Variants in EXOC4 observed in about 807,000 individuals in gnomAD.
The protein encoded by EXOC4 is SEC8-like 1.
EXOC4 carries 71 observed loss-of-function variants against 107.2 expected under a neutral mutation model. The ratio of observed to expected loss-of-function variants is 0.66; its 90% CI spans 0.55 to 0.81. EXOC4 has a LOEUF of 0.81. Among genes scored for constraint, EXOC4 ranks in the 30% least tolerant of loss-of-function variants. The probability of loss-of-function intolerance (pLI) is 0.00; values close to 1 mark genes in which losing one functional copy is unlikely to be tolerated. For synonymous variants in EXOC4, 456 were observed against 441.2 expected (o/e 1.03, Z -0.42); for missense variants, 1,108 against 1,189.6 (o/e 0.93, Z 1.01).
intron 7 of EXOC4, among the ~76,000 whole-genome samples, chr7:133,424,877 A>T (rs1482908159): frequency 2.6e-5 from 4 of 152,212 alleles, no homozygotes; most frequent in African/African-American, 9.6e-5. Context: ...GTAAATGACT[A>T]CCAAAATTCT....
chr7:133,526,857 A>G (rs967836947), intron 9 of EXOC4, among the ~76,000 whole-genome samples: 4 of 152,214 alleles, frequency 2.6e-5, no homozygotes, highest in African/African-American at 9.6e-5. Flanking sequence ...CTGTAGTCCC[A>G]GCTACTCGGG....
chr7:133,260,476 G>A (rs1795123187), intron 1 of EXOC4, among the ~76,000 whole-genome samples: 4 of 152,150 alleles, frequency 2.6e-5, no homozygotes, highest in South Asian at 2.1e-4. Flanking sequence ...ATTTCACCAT[G>A]TTGGTCAGGC....
intron 9 of EXOC4, among the ~76,000 whole-genome samples, chr7:133,532,532 A>G (rs1439081031): frequency 6.6e-6 from 1 of 152,096 alleles, no homozygotes; most frequent in Non-Finnish European, 1.5e-5. Flanking sequence ...ACTTAATGGC[A>G]AAAAATGAAG....
At chr7:133,265,276 T>C (rs1793699615) in intron 1 of EXOC4, among the ~76,000 whole-genome samples, 1 of 152,118 alleles carries the variant, frequency 6.6e-6, no homozygotes, top group African/African-American at 2.4e-5. Context: ...TGTTTGAATA[T>C]TTTGTAACTA....
chr7:133,941,821 T>TTCTCCCTCTCTC (rs1554424528), intron 14 of EXOC4, among the ~76,000 whole-genome samples: 6 of 129,544 alleles, frequency 4.6e-5, no homozygotes, highest in African/African-American at 1.7e-4. Context: ...TGCTTACAGA[T>TTCTCCCTCTCTC]TCTCTCTCTC....
intron 10 of EXOC4, among the ~76,000 whole-genome samples, chr7:133,712,891 T>C (rs1436879337): frequency 6.6e-6 from 1 of 152,206 alleles, no homozygotes; most frequent in African/African-American, 2.4e-5. Context: ...TCTATATGAA[T>C]ATCCAGAATG....
At chr7:133,905,836 A>G (rs1404376015) in intron 12 of EXOC4, among the ~76,000 whole-genome samples, 1 of 152,092 alleles carries the variant, frequency 6.6e-6, no homozygotes, top group Non-Finnish European at 1.5e-5. Context: ...AGAAAGAGTG[A>G]GAGGAGGAGA....
At chr7:133,981,306 G>A (rs989513948) in intron 14 of EXOC4, among the ~76,000 whole-genome samples, 11 of 152,064 alleles carry the variant, frequency 7.2e-5, no homozygotes, top group Non-Finnish European at 1.3e-4. Context: ...CTGCAGTCTC[G>A]ATGGCTCTCA....
Position 133,571,913 on chromosome 7 carries a change from G to T in EXOC4, c.1418-58132G>T, listed in dbSNP as rs1392242926. On this transcript the variant is annotated intron_variant, in intron 9 of 17. Transcript: ENST00000253861. Reference sequence around the variant, plus strand: ...TCATTCATAAGTGAGGACCCTCATGGCCTAATCACTTCCGAAAGGCACTAG... The same window carrying T: ...TCATTCATAAGTGAGGACCCTCATGTCCTAATCACTTCCGAAAGGCACTAG... 7.2e-5 allele frequency among the ~76,000 whole-genome samples: 11 copies of T among 152,138 alleles called. No homozygotes were observed. In the East Asian group the frequency reaches 2.1e-3, roughly 29 times the overall value.
chr7:133,935,009 A>C (rs1191081621), intron 13 of EXOC4, among the ~76,000 whole-genome samples: 2 of 151,744 alleles, frequency 1.3e-5, no homozygotes, highest in South Asian at 2.1e-4. Flanking sequence ...CAGAAACTTG[A>C]AATAGCAGTG....
intron 17 of EXOC4, among the ~76,000 whole-genome samples, chr7:134,062,121 T>G (rs1279461822): frequency 6.6e-6 from 1 of 152,190 alleles, no homozygotes; most frequent in African/African-American, 2.4e-5. Flanking sequence ...TATAGAAAAT[T>G]AGCCCCCTGT....
At chr7:134,070,822 A>C (rs1225017560), downstream of EXOC4, among the ~76,000 whole-genome samples, 1 of 151,952 alleles carries the variant, frequency 6.6e-6, no homozygotes. Flanking sequence ...GGGTGAGTGC[A>C]GTTCCCATTT....
At chr7:133,437,106 G>T (rs559622051) in intron 7 of EXOC4, among the ~76,000 whole-genome samples, 1 of 152,056 alleles carries the variant, frequency 6.6e-6, no homozygotes, top group African/African-American at 2.4e-5. Context: ...TAAATTTTGC[G>T]TGTTATCCAA....
intron 17 of EXOC4, among the ~76,000 whole-genome samples, chr7:134,018,466 A>G (rs1239717541): frequency 1.3e-5 from 2 of 151,860 alleles, no homozygotes. Flanking sequence ...TTTACTGAAC[A>G]CCCTTTGCTG....
chr7:133,461,923 A>C (rs1798603482), intron 7 of EXOC4, among the ~76,000 whole-genome samples: 2 of 152,156 alleles, frequency 1.3e-5, no homozygotes, highest in Admixed American at 6.6e-5. Flanking sequence ...GAGAGATACA[A>C]ACTGCTGTAT....
At chr7:134,067,879 T>C (rs1375491385), downstream of EXOC4, among the ~76,000 whole-genome samples, 1 of 152,138 alleles carries the variant, frequency 6.6e-6, no homozygotes, top group East Asian at 1.9e-4. Context: ...TCCTAGGCGG[T>C]GTTTTTATTC....
chr7:133,618,369 G>T lies in EXOC4; in HGVS notation c.1418-11676G>T, dbSNP rs571826016. On this transcript the variant is annotated intron_variant, in intron 9 of 17. Transcript: ENST00000253861. ...GTTGCCAAATCTTAATCTCACCCAT[G>T]CTATTATTTTTTAATGAGGTTGGGA... Among the ~76,000 whole-genome samples, 32 of 151,768 alleles carry T rather than the reference G, an allele frequency of 2.1e-4. 1 individual carries two copies. Among genetic ancestry groups the T allele is most frequent in the African/African-American group, 7.7e-4 (32 of 41,400 alleles).
chr7:133,624,908 T>TA (rs34231637), intron 9 of EXOC4, among the ~76,000 whole-genome samples: 141,323 of 146,482 alleles, frequency 0.96, 68,278 homozygotes, highest in Non-Finnish European at 0.99. Flanking sequence ...TCATCTCTTA[T>TA]AAAAAAAAAA....
At chr7:133,918,243 G>C (rs1269558144) in intron 13 of EXOC4, among the ~76,000 whole-genome samples, 1 of 152,052 alleles carries the variant, frequency 6.6e-6, no homozygotes, top group Non-Finnish European at 1.5e-5. Flanking sequence ...GCCTCCCAAA[G>C]TGCTGGGATT....
Sources: gnomAD v4.1 joint callset for allele counts (sites outside exome capture counted in the v4.1 genomes callset) on GRCh38, gnomAD v4.1.1 for gene constraint, MANE v1.5 for transcripts, NCBI Gene and HGNC (gene_info 2026-07-23, HGNC 2026-07-21) for gene names.